Variants in SWT1 observed in about 807,000 individuals in gnomAD.
The protein encoded by SWT1 is SWT1 RNA endoribonuclease homolog, also known as transcriptional protein SWT1.
Under a neutral mutation model 107.3 loss-of-function variants are expected in SWT1, and 33 were observed. That is an observed-to-expected ratio of 0.31 (90% confidence interval 0.23 to 0.41). The LOEUF is 0.41. SWT1 is among the 10% of genes least tolerant of loss of function. The pLI is 1.00. For missense variants in SWT1, 898 were observed against 1,028.9 expected, an observed-to-expected ratio of 0.87 and a Z score of 1.74; for synonymous variants, 345 against 348.3, an observed-to-expected ratio of 0.99 and a Z score of 0.11.
At chr1:185,243,436 AAT>A (rs1661387004) in intron 16 of SWT1, among the ~76,000 whole-genome samples, 2 of 152,102 alleles carry the variant, frequency 1.3e-5, no homozygotes, top group African/African-American at 4.8e-5. Context: ...TATTTTGAGA[AAT>A]ATATTCTTGT....
At chr1:185,288,896 G>A (rs1424756316) in intron 18 of SWT1, among the ~76,000 whole-genome samples, 1 of 152,186 alleles carries the variant, frequency 6.6e-6, no homozygotes, top group Non-Finnish European at 1.5e-5. Flanking sequence ...GGCTTTGCCT[G>A]AAGTAAAATT....
chr1:185,268,103 A>G (rs1044503612), intron 16 of SWT1, among the ~76,000 whole-genome samples: 3 of 152,216 alleles, frequency 2.0e-5, no homozygotes, highest in Non-Finnish European at 4.4e-5. Context: ...TGTCCAGTCC[A>G]TTCTGGGCTC....
Position 185,175,066 on chromosome 1 carries a change from G to T in SWT1, c.919G>T (p.Asp307Tyr). ...TGAGTGGAAACGAAAACATCATTAT[G>T]ACCATCAAGAAAGTAATGATTCACA... ...VHEWKRKHHY[D>Y]HQESNDSHSR... The change falls in exon 5 of 19, where the codon GAC becomes TAC. Residue 307 changes from aspartate (D) to tyrosine (Y), a missense_variant. Physicochemically the swap from Asp to Tyr is radical, Grantham distance 160. Transcript: ENST00000367500. 2 of 1,584,672 alleles carry T rather than the reference G, an allele frequency of 1.3e-6. No individual in the cohort carries two copies. Among genetic ancestry groups the T allele is most frequent in the South Asian group, 2.3e-5 (2 of 85,258 alleles).
intron 2 of SWT1, among the ~76,000 whole-genome samples, 154 bp downstream of exon 2, chr1:185,161,079 C>T (rs1231232004): frequency 6.6e-6 from 1 of 152,176 alleles, no homozygotes; most frequent in Non-Finnish European, 1.5e-5. Context: ...TTTTTACTTG[C>T]ATTGTTTTAT....
intron 2 of SWT1, among the ~76,000 whole-genome samples, chr1:185,161,767 T>G (rs2102293635): frequency 6.6e-6 from 1 of 152,304 alleles, no homozygotes; most frequent in Middle Eastern, 3.4e-3. Flanking sequence ...TTGAGCTGGG[T>G]ATTGTCTCCA....
At chr1:185,182,219 A>G in intron 7 of SWT1, 162 bp downstream of exon 7, 1 of 316,824 alleles carries the variant, frequency 3.2e-6, no homozygotes, top group Non-Finnish European at 4.6e-6. Context: ...AATTAGATCC[A>G]ATATTTGTCT....
intron 10 of SWT1, among the ~76,000 whole-genome samples, chr1:185,192,844 C>T (rs546224138): frequency 2.0e-4 from 31 of 151,564 alleles, no homozygotes; most frequent in Admixed American, 9.2e-4. Context: ...GATGGGGTTT[C>T]GCCATATCGG....
At chr1:185,206,799 T>C in intron 13 of SWT1, 36 bp downstream of exon 13, 2 of 1,459,770 alleles carry the variant, frequency 1.4e-6, no homozygotes, top group East Asian at 2.3e-5. Context: ...AGCAGTGTTG[T>C]ATTAAGTCAG....
intron 16 of SWT1, among the ~76,000 whole-genome samples, chr1:185,259,545 T>C (rs1320271994): frequency 6.6e-6 from 1 of 152,162 alleles, no homozygotes; most frequent in African/African-American, 2.4e-5. Flanking sequence ...CTTACTTTTA[T>C]GTTGAGATCA....
At chr1:185,234,593 T>A (rs12240119) in intron 16 of SWT1, among the ~76,000 whole-genome samples, 1 of 152,070 alleles carries the variant, frequency 6.6e-6, no homozygotes, top group African/African-American at 2.4e-5. Flanking sequence ...TTTAATTGGG[T>A]CATTTAGCCC....
In SWT1 at chr1:185,170,830, T is replaced by G. The variant is rs150836746; in HGVS notation, c.224+2432T>G. Among the ~76,000 whole-genome samples, 62 of 152,280 alleles carry G rather than the reference T, an allele frequency of 4.1e-4. No individual in the cohort carries two copies. In the East Asian group the frequency reaches 0.011, roughly 27 times the overall value. Reference sequence around the variant, plus strand: ...AGAAAAGGATTAGTATACATAATTGTGTACATCAAGACAAATTTATAATAA... The same window carrying G: ...AGAAAAGGATTAGTATACATAATTGGGTACATCAAGACAAATTTATAATAA... On this transcript the variant is annotated intron_variant, in intron 4 of 18. Transcript: ENST00000367500.
At chr1:185,166,451 C>T in intron 2 of SWT1, 121 bp from the exon 3 acceptor site, 8 of 610,848 alleles carry the variant, frequency 1.3e-5, no homozygotes, top group Non-Finnish European at 2.2e-5. Flanking sequence ...AACATTGTTC[C>T]CCACCGAAGT....
chr1:185,220,195 G>A (rs1201940459), intron 14 of SWT1, among the ~76,000 whole-genome samples: 1 of 134,390 alleles, frequency 7.4e-6, no homozygotes, highest in African/African-American at 2.7e-5. Flanking sequence ...TTTCATTTTT[G>A]CACTCTTTTT....
intron 2 of SWT1, among the ~76,000 whole-genome samples, chr1:185,162,065 C>T (rs761452167): frequency 6.6e-6 from 1 of 152,090 alleles, no homozygotes; most frequent in South Asian, 2.1e-4. Context: ...AATTTGGTCT[C>T]GCAGGTATAG....
intron 17 of SWT1, among the ~76,000 whole-genome samples, chr1:185,274,102 G>A (rs1240194477): frequency 6.6e-6 from 1 of 151,854 alleles, no homozygotes; most frequent in Non-Finnish European, 1.5e-5. Context: ...ATTGCCAAGA[G>A]TATTAGAAGA....
intron 2 of SWT1, among the ~76,000 whole-genome samples, chr1:185,165,974 C>T (rs756294075): frequency 6.6e-5 from 10 of 152,180 alleles, no homozygotes; most frequent in Admixed American, 2.6e-4. Context: ...CCTCTGACTC[C>T]CAGCCTTTTC....
intron 7 of SWT1, 58 bp from the exon 8 acceptor site, chr1:185,184,185 T>G: frequency 1.2e-6 from 1 of 835,660 alleles, no homozygotes; most frequent in African/African-American, 1.8e-5. Flanking sequence ...TATCAAAATT[T>G]TAGTCATTAT....
chr1:185,190,150 G>C (rs1375695300), intron 9 of SWT1, among the ~76,000 whole-genome samples: 1 of 152,100 alleles, frequency 6.6e-6, no homozygotes, highest in Non-Finnish European at 1.5e-5. Context: ...GCCCAGCTGA[G>C]ATATATTTTT....
At chr1:185,274,028 C>T (rs899804964) in intron 17 of SWT1, among the ~76,000 whole-genome samples, 8 of 151,866 alleles carry the variant, frequency 5.3e-5, no homozygotes, top group Admixed American at 6.6e-5. Context: ...AACAATAGGA[C>T]AGTTTTAAAA....
Sources: allele counts gnomAD v4.1 joint callset (sites outside exome capture counted in the v4.1 genomes callset), GRCh38; gene constraint gnomAD v4.1.1; transcripts MANE v1.5; gene names NCBI Gene and HGNC (gene_info 2026-07-23, HGNC 2026-07-21).